HEATR1: variants seen among roughly 807,000 people sequenced by gnomAD.
HEATR1 encodes HEAT repeat containing 1.
In HEATR1, 77 loss-of-function variants were observed where a neutral mutation model predicts 248.2. The observed-to-expected ratio is 0.31, with a 90% CI of 0.26 to 0.37. The LOEUF is 0.37. Among genes scored for constraint, HEATR1 ranks in the 10% least tolerant of loss-of-function variants. HEATR1 has a pLI of 1.00. For synonymous variants in HEATR1, 897 were observed against 923.1 expected, an observed-to-expected ratio of 0.97 and a Z score of 0.51; for missense variants, 2,420 against 2,504.9, an observed-to-expected ratio of 0.97 and a Z score of 0.72.
At chr1:236,575,910 C>G (rs2794774) in intron 22 of HEATR1, among the ~76,000 whole-genome samples, 81,024 of 151,998 alleles carry the variant, frequency 0.53, 23,601 homozygotes, top group Non-Finnish European at 0.65. Flanking sequence ...CAGAGATGAA[C>G]CAACAGCTTC....
At chr1:236,556,709 A>T (rs1046486216) in intron 37 of HEATR1, among the ~76,000 whole-genome samples, 3 of 152,244 alleles carry the variant, frequency 2.0e-5, no homozygotes, top group African/African-American at 7.2e-5. Context: ...AATGATCAAC[A>T]CAATGGAACA....
chr1:236,555,541 A>C lies in HEATR1; in HGVS notation c.5754+10T>G. ...GAGCACAAAAGAGAGGAAGAGGAAG[A>C]AAGCGTCACCTTGAAGAACAGGGGC... On this transcript the variant is annotated intron_variant, in intron 40 of 44. Coordinates refer to ENST00000366582, the MANE Select transcript of HEATR1 (RefSeq NM_018072.6). The C allele has an allele frequency of 1.9e-6, 3 of 1,614,198 alleles. No homozygotes were observed. The highest frequency in any genetic ancestry group is 2.5e-6 in the Non-Finnish European group (3 of 1,180,000).
chr1:236,585,963 A>C (rs748209285), intron 15 of HEATR1, 22 bp from the exon 16 acceptor site: 1 of 1,612,716 alleles, frequency 6.2e-7, no homozygotes, highest in Admixed American at 1.7e-5. Flanking sequence ...AATCGAATGC[A>C]GAGAGCTCTT....
chr1:236,563,363 G>A (rs1044038461), intron 32 of HEATR1, among the ~76,000 whole-genome samples: 1 of 151,858 alleles, frequency 6.6e-6, no homozygotes, highest in East Asian at 1.9e-4. Flanking sequence ...CTCACTGCAA[G>A]CTATGCCTCC....
chr1:236,554,760 C>T lies in HEATR1; in HGVS notation c.5924-8G>A, dbSNP rs73113054. On this transcript the variant is annotated splice_region_variant and splice_polypyrimidine_tract_variant and intron_variant, in intron 41 of 44. Transcript: ENST00000366582. ...AGTCAAAAAATGCTTCATCTGTAGACGTGGGAAGAGTAAAAATGAAAAAAC... is the reference window on the plus strand; with the variant it reads ...AGTCAAAAAATGCTTCATCTGTAGATGTGGGAAGAGTAAAAATGAAAAAAC... 0.028 allele frequency: 45,025 copies of T among 1,596,066 alleles called. 2,440 individuals are homozygous for T. Among genetic ancestry groups the T allele is most frequent in the African/African-American group, 0.19 (13,757 of 73,750 alleles).
intron 18 of HEATR1, 29 bp from the exon 19 acceptor site, chr1:236,582,901 C>T: frequency 6.2e-7 from 1 of 1,612,074 alleles, no homozygotes; most frequent in Non-Finnish European, 8.5e-7. Context: ...AGAAATGATG[C>T]TAGATCCTAC....
rs775812705 is a variant in HEATR1, at chr1:236,599,632, A to G, written c.360-8T>C. 115 of 1,599,784 alleles carry G rather than the reference A, an allele frequency of 7.2e-5. No individual in the cohort carries two copies. Among genetic ancestry groups the G allele is most frequent in the Non-Finnish European group, 9.2e-5 (108 of 1,172,914 alleles). On this transcript the variant is annotated splice_region_variant and splice_polypyrimidine_tract_variant and intron_variant, in intron 3 of 44. Coordinates refer to ENST00000366582, the MANE Select transcript of HEATR1 (RefSeq NM_018072.6). ...TAGAGATGTATATGGAACCTGGGGA[A>G]AAAAAGCAAACAGTCCAACTGAACA...
At chr1:236,602,038 C>T (rs1364345005) in intron 3 of HEATR1, among the ~76,000 whole-genome samples, 1 of 151,382 alleles carries the variant, frequency 6.6e-6, no homozygotes, top group Non-Finnish European at 1.5e-5. Context: ...ACTTGGGAGG[C>T]TGAGGCAGGA....
intron 33 of HEATR1, among the ~76,000 whole-genome samples, chr1:236,560,168 T>C (rs1235928595): frequency 6.6e-6 from 1 of 151,816 alleles, no homozygotes; most frequent in Non-Finnish European, 1.5e-5. Flanking sequence ...CCAAGTGGGG[T>C]GTTCAGGGAG....
Position 236,550,980 on chromosome 1 carries a change from T to C in HEATR1, c.6357A>G (p.Glu2119=). The change falls in exon 45 of 45, where the codon GAA becomes GAG. Residue 2119 remains glutamate, a synonymous_variant. Coordinates refer to ENST00000366582, the MANE Select transcript of HEATR1 (RefSeq NM_018072.6). The stretch of plus-strand genomic sequence containing the variant: ...TCTTTTGGCACTGATGTTCTACTTC[T>C]TCACATTCATCTAAAAAAAAAAAAA... The part of the protein sequence containing the change: ...FLAELMEDEC[E]EVEHQCQKTI... 1 of 1,512,694 alleles carries C rather than the reference T, an allele frequency of 6.6e-7. No homozygotes were observed. Among genetic ancestry groups the C allele is most frequent in the Non-Finnish European group, 9.0e-7 (1 of 1,107,354 alleles). The allele number at this position is 1,512,694 out of a possible 1,614,324, so 93.7% of individuals were successfully genotyped here. A position where few individuals can be genotyped will look rare whatever the true frequency, so the allele number is the denominator to read the frequency against.
intron 3 of HEATR1, among the ~76,000 whole-genome samples, chr1:236,602,118 G>A (rs1664342489): frequency 6.6e-6 from 1 of 151,874 alleles, no homozygotes; most frequent in African/African-American, 2.4e-5. Flanking sequence ...CAGCCTGGGC[G>A]ACAGTGCGAG....
intron 34 of HEATR1, among the ~76,000 whole-genome samples, 164 bp downstream of exon 34, chr1:236,559,547 GACA>G (rs1322985078): frequency 6.6e-6 from 1 of 152,066 alleles, no homozygotes; most frequent in Non-Finnish European, 1.5e-5. Flanking sequence ...ATTTTTTCCA[GACA>G]AATCTATTTC....
intron 29 of HEATR1, 85 bp downstream of exon 29, chr1:236,568,906 AAAAAC>A: frequency 8.4e-6 from 8 of 956,212 alleles, no homozygotes; most frequent in East Asian, 6.9e-5. Flanking sequence ...AACAAAAAAA[AAAAAC>A]TAAAAAAAAG....
In HEATR1 at chr1:236,594,974, T is replaced by C. The variant is rs1308512195; in HGVS notation, c.1090+566A>G. On this transcript the variant is annotated intron_variant, in intron 8 of 44. Transcript: ENST00000366582. ...TCACCATGCCCGGTTAATTTTTGTA[T>C]ATTTTTGTAGAGACGGGGTTTTGCC... Among the ~76,000 whole-genome samples, 4 of 152,080 alleles carry C rather than the reference T, an allele frequency of 2.6e-5. No homozygotes were observed. The East Asian group carries it at 7.7e-4, about 29-fold the overall frequency.
Position 236,595,640 on chromosome 1 carries a change from A to G in HEATR1, c.990T>C (p.Leu330=). 6.2e-7 allele frequency: 1 copy of G among 1,611,374 alleles called. No homozygotes were observed. Among genetic ancestry groups the G allele is most frequent in the Non-Finnish European group, 8.5e-7 (1 of 1,177,504 alleles). ...PFPHLCNVPD[L]ITILHGISET... is the part of the protein sequence containing the mutation. ...CAGAAATCCCATGAAGTATTGTAAT[A>G]AGATCAGGAACATTACATAAGTGAG... is the stretch of plus-strand genomic sequence containing the variant. Residue 330 remains leucine (L), a synonymous_variant, in exon 8 of 45, where the codon CTT becomes CTC. Transcript: ENST00000366582.
chr1:236,596,541 G>C (rs1463700362), intron 6 of HEATR1, among the ~76,000 whole-genome samples: 2 of 152,180 alleles, frequency 1.3e-5, no homozygotes, highest in African/African-American at 4.8e-5. Context: ...ACGCCTCAAA[G>C]AGACTGTCTG....
In HEATR1 at chr1:236,586,266, G is replaced by T. The variant is rs936496104; in HGVS notation, c.1902C>A (p.His634Gln). The T allele has an allele frequency of 2.5e-6, 4 of 1,612,138 alleles. No individual in the cohort carries two copies. The highest frequency in any genetic ancestry group is 1.3e-5 in the African/African-American group (1 of 74,812). Residue 634 changes from histidine to glutamine, a missense_variant, in exon 15 of 45, where the codon CAC becomes CAA. Coordinates refer to ENST00000366582, the MANE Select transcript of HEATR1 (RefSeq NM_018072.6). Reference protein sequence around the residue: ...YLSKSGICSLHPLLRGWEEAL... With the variant: ...YLSKSGICSLQPLLRGWEEAL... Reference sequence around the variant, plus strand: ...CTTCTTCCCAGCCTCTTAATAGAGGGTGCAGGGAGCAGATTCCTGATTTTG... The same window carrying T: ...CTTCTTCCCAGCCTCTTAATAGAGGTTGCAGGGAGCAGATTCCTGATTTTG...
At chr1:236,585,680 CA>C in intron 16 of HEATR1, 139 bp downstream of exon 16, 1 of 666,240 alleles carries the variant, frequency 1.5e-6, no homozygotes, top group Non-Finnish European at 2.5e-6. Context: ...TATTAAACAA[CA>C]CTGCAACGTT....
In HEATR1 at chr1:236,555,293, C is replaced by CGT; in HGVS notation, c.5923+2_5923+3insAC. On this transcript the variant is annotated splice_region_variant and intron_variant, in intron 41 of 44. Transcript: ENST00000366582. ...TGACAGCTGAACTGAAGCGACCACCCACCTGTTTTGGAGATGTTCACCTGG... is the reference window on the plus strand; with the variant it reads ...TGACAGCTGAACTGAAGCGACCACCCGTACCTGTTTTGGAGATGTTCACCTGG... 3 of 1,613,756 alleles carry CGT rather than the reference C, an allele frequency of 1.9e-6. No homozygotes were observed. The highest frequency in any genetic ancestry group is 2.5e-6 in the Non-Finnish European group (3 of 1,179,800).
Sources: gnomAD v4.1 joint callset for allele counts (sites outside exome capture counted in the v4.1 genomes callset) on GRCh38, gnomAD v4.1.1 for gene constraint, MANE v1.5 for transcripts, NCBI Gene and HGNC (gene_info 2026-07-23, HGNC 2026-07-21) for gene names.